The following VWA8 variants were observed in gnomAD, a reference collection of about 807,000 sequenced individuals.
VWA8 encodes the protein von Willebrand factor A domain containing 8, also known as von Willebrand factor A domain-containing protein 8.
Under a neutral mutation model 241.5 loss-of-function variants are expected in VWA8, and 221 were observed. The observed-to-expected ratio is 0.91, with a 90% CI of 0.82 to 1.02. VWA8 has a LOEUF of 1.02. VWA8 is among the 50% of genes least tolerant of loss of function. The pLI is 0.00. For missense variants in VWA8, 2,322 were observed against 2,328.7 expected (o/e 1.00, Z 0.06); for synonymous variants, 852 against 827.1 (o/e 1.03, Z -0.52).
chr13:41,687,324 T>C (rs189385447), intron 34 of VWA8, among the ~76,000 whole-genome samples: 2 of 152,294 alleles, frequency 1.3e-5, no homozygotes, highest in East Asian at 1.9e-4. Context: ...AGAAATACTT[T>C]TGATGTTTCA....
intron 37 of VWA8, among the ~76,000 whole-genome samples, chr13:41,648,707 A>G (rs1018226133): frequency 2.0e-5 from 3 of 152,224 alleles, no homozygotes; most frequent in African/African-American, 7.2e-5. Context: ...CTCAGGAGAC[A>G]TACAATTATA....
At chr13:41,894,821 G>C (rs1875019286) in intron 4 of VWA8, among the ~76,000 whole-genome samples, 1 of 151,934 alleles carries the variant, frequency 6.6e-6, no homozygotes, top group Non-Finnish European at 1.5e-5. Flanking sequence ...CCCTGAGATG[G>C]GCACAACATC....
chr13:41,829,557 A>ACACACG (rs1227369585), intron 14 of VWA8, among the ~76,000 whole-genome samples: 1 of 145,358 alleles, frequency 6.9e-6, no homozygotes, highest in African/African-American at 2.5e-5. Flanking sequence ...ACACACACAC[A>ACACACG]CACACACACA....
intron 4 of VWA8, among the ~76,000 whole-genome samples, chr13:41,901,865 C>CAAAAAAA (rs1167305999): frequency 8.1e-5 from 2 of 24,674 alleles, no homozygotes; most frequent in African/African-American, 1.4e-4. Flanking sequence ...GACTCCATCT[C>CAAAAAAA]AAAAAAAAAA....
chr13:41,814,392 G>C (rs1222084933), intron 16 of VWA8, among the ~76,000 whole-genome samples: 1 of 152,142 alleles, frequency 6.6e-6, no homozygotes, highest in East Asian at 1.9e-4. Context: ...GAGAAACTAA[G>C]GGACAACTGG....
chr13:41,947,310 A>G (rs1048706338), intron 2 of VWA8, among the ~76,000 whole-genome samples: 6 of 152,242 alleles, frequency 3.9e-5, no homozygotes, highest in Non-Finnish European at 8.8e-5. Flanking sequence ...ATCATGACCA[A>G]TGACTGGAAC....
rs150362686 is a variant in VWA8 at position 41,868,476 on chromosome 13, C to T, written c.1082G>A (p.Arg361His). 3.2e-5 allele frequency: 51 copies of T among 1,608,080 alleles called. No homozygotes were observed. Among genetic ancestry groups the T allele is most frequent in the African/African-American group, 4.0e-5 (3 of 74,552 alleles). The change falls in exon 10 of 45, where the codon CGC (arginine) becomes CAC (histidine). Residue 361 changes from arginine to histidine, a missense_variant and splice_region_variant. By Grantham distance (29) the Arg-to-His change is conservative. Coordinates refer to ENST00000379310, the MANE Select transcript of VWA8 (RefSeq NM_015058.2). ...GCTTCCTGAATCTTGAAGTTCAAAGCGCTGTAAAATTACAAGAAAATCATG... is the reference window on the plus strand; with the variant it reads ...GCTTCCTGAATCTTGAAGTTCAAAGTGCTGTAAAATTACAAGAAAATCATG... ...GKMAVEGVLK[R>H]FELQDSGSSL...
chr13:41,625,665 A>T (rs1380143492), intron 37 of VWA8, among the ~76,000 whole-genome samples: 5 of 152,060 alleles, frequency 3.3e-5, no homozygotes, highest in East Asian at 1.9e-4. Flanking sequence ...ATTGTGGAAG[A>T]CAGTGTGGCG....
chr13:41,949,803 T>C (rs570379969), intron 2 of VWA8, 133 bp downstream of exon 2: 2 of 486,326 alleles, frequency 4.1e-6, no homozygotes, highest in South Asian at 4.8e-5. Flanking sequence ...ATTGGCATAA[T>C]ATTGATAAAT....
At chr13:41,953,695 G>C (rs1166607350) in intron 1 of VWA8, among the ~76,000 whole-genome samples, 1 of 152,162 alleles carries the variant, frequency 6.6e-6, no homozygotes, top group African/African-American at 2.4e-5. Flanking sequence ...TGTAATCCTA[G>C]CTACTTGGGA....
At chr13:41,813,384 A>G (rs545283224) in intron 16 of VWA8, among the ~76,000 whole-genome samples, 6 of 146,916 alleles carry the variant, frequency 4.1e-5, no homozygotes, top group African/African-American at 1.5e-4. Context: ...GCTATGAGAA[A>G]GAAACATGTA....
intron 20 of VWA8, among the ~76,000 whole-genome samples, chr13:41,776,091 G>C (rs1593764024): frequency 6.6e-6 from 1 of 152,040 alleles, no homozygotes; most frequent in African/African-American, 2.4e-5. Context: ...TGACCTCTAG[G>C]GATCTTCCTT....
At chr13:41,720,041 C>T (rs2045375826) in intron 25 of VWA8, among the ~76,000 whole-genome samples, 1 of 143,462 alleles carries the variant, frequency 7.0e-6, no homozygotes, top group Non-Finnish European at 1.5e-5. Context: ...TTTCTGAAAT[C>T]TCCTGCCTTT....
chr13:41,836,466 C>G (rs899045234), intron 12 of VWA8, among the ~76,000 whole-genome samples: 2 of 152,032 alleles, frequency 1.3e-5, no homozygotes, highest in Non-Finnish European at 2.9e-5. Flanking sequence ...CTTCAGCAGA[C>G]ATAAGAGGCT....
At chr13:41,930,686 T>A (rs75659673) in intron 2 of VWA8, among the ~76,000 whole-genome samples, 21,480 of 152,200 alleles carry the variant, frequency 0.14, 1,641 homozygotes, top group East Asian at 0.18. Context: ...AAAACAGAAC[T>A]ACCTTCAGGC....
At chr13:41,780,392 T>A (rs1465165874) in intron 19 of VWA8, among the ~76,000 whole-genome samples, 1 of 152,190 alleles carries the variant, frequency 6.6e-6, no homozygotes, top group East Asian at 1.9e-4. Flanking sequence ...CTCAACTTAT[T>A]ACTTTCTCCT....
intron 21 of VWA8, among the ~76,000 whole-genome samples, chr13:41,747,780 C>G (rs1160967324): frequency 2.0e-5 from 3 of 152,124 alleles, no homozygotes; most frequent in Non-Finnish European, 2.9e-5. Flanking sequence ...CCATCAATAC[C>G]TAATTTATTG....
intron 26 of VWA8, among the ~76,000 whole-genome samples, chr13:41,708,298 T>A (rs2045295290): frequency 6.6e-6 from 1 of 151,824 alleles, no homozygotes; most frequent in Non-Finnish European, 1.5e-5. Flanking sequence ...GAGGCAGAGG[T>A]TGCAGTGAGC....
chr13:41,863,395 T>TTGTGTGTG (rs140177608), intron 12 of VWA8, among the ~76,000 whole-genome samples: 11 of 90,044 alleles, frequency 1.2e-4, no homozygotes, highest in Admixed American at 2.5e-4. Context: ...TATCTCCTAT[T>TTGTGTGTG]TGTGTGTGTG....
Sources: gnomAD v4.1 joint callset for allele counts (sites outside exome capture counted in the v4.1 genomes callset) on GRCh38, gnomAD v4.1.1 for gene constraint, MANE v1.5 for transcripts, NCBI Gene and HGNC (gene_info 2026-07-23, HGNC 2026-07-21) for gene names.